LEKR1: variants seen among roughly 807,000 people sequenced by gnomAD.
The protein encoded by LEKR1 is protein LEKR1.
LEKR1 carries 59 observed loss-of-function variants against 72.4 expected under a neutral mutation model. That is an observed-to-expected ratio of 0.82 (90% CI 0.66 to 1.01). LEKR1 has a LOEUF of 1.01. Ranked by LOEUF, LEKR1 falls within the 50% of genes least tolerant of loss-of-function variation. LEKR1 has a pLI of 0.00. For synonymous variants in LEKR1, 257 were observed against 263.2 expected, an observed-to-expected ratio of 0.98 and a Z score of 0.23; for missense variants, 728 against 759.2, an observed-to-expected ratio of 0.96 and a Z score of 0.48.
At chr3:156,922,577 G>A (rs1462622186) in intron 4 of LEKR1, among the ~76,000 whole-genome samples, 1 of 151,962 alleles carries the variant, frequency 6.6e-6, no homozygotes, top group African/African-American at 2.4e-5. Flanking sequence ...ATTACAATTG[G>A]GCTTAATCAC....
chr3:156,908,550 C>T (rs1722762819), intron 3 of LEKR1, among the ~76,000 whole-genome samples: 1 of 152,060 alleles, frequency 6.6e-6, no homozygotes, highest in Admixed American at 6.6e-5. Context: ...ATTAGTAGCT[C>T]GCTTAGGTCA....
chr3:156,936,232 T>C (rs1725686266), intron 5 of LEKR1, among the ~76,000 whole-genome samples: 1 of 151,978 alleles, frequency 6.6e-6, no homozygotes, highest in African/African-American at 2.4e-5. Context: ...GACCACCAGG[T>C]CTGGAGAAGG....
At chr3:156,898,053 T>A (rs1450969896) in intron 3 of LEKR1, among the ~76,000 whole-genome samples, 1 of 152,074 alleles carries the variant, frequency 6.6e-6, no homozygotes, top group Non-Finnish European at 1.5e-5. Context: ...ACTATTCAGA[T>A]CTTTAAAAAG....
intron 7 of LEKR1, among the ~76,000 whole-genome samples, chr3:156,980,672 T>C (rs974588304): frequency 6.6e-6 from 1 of 152,086 alleles, no homozygotes; most frequent in African/African-American, 2.4e-5. Context: ...CCAGCTACTG[T>C]GTGATGATTG....
intron 3 of LEKR1, among the ~76,000 whole-genome samples, chr3:156,868,166 T>C (rs940441323): frequency 6.6e-6 from 1 of 152,084 alleles, no homozygotes; most frequent in Non-Finnish European, 1.5e-5. Flanking sequence ...CAGGCAACCT[T>C]ACTCACACTG....
chr3:156,953,475 C>A (rs1727351437), intron 6 of LEKR1, among the ~76,000 whole-genome samples: 1 of 151,568 alleles, frequency 6.6e-6, no homozygotes. Flanking sequence ...CCCAGCATCC[C>A]TTAGTTATTC....
At chr3:156,986,768 T>C (rs1730724171) in intron 7 of LEKR1, among the ~76,000 whole-genome samples, 1 of 152,174 alleles carries the variant, frequency 6.6e-6, no homozygotes, top group South Asian at 2.1e-4. Context: ...CTTTGAGGAG[T>C]GCACAAGATA....
intron 10 of LEKR1, among the ~76,000 whole-genome samples, chr3:157,024,122 G>T (rs755134349): frequency 1.3e-5 from 2 of 152,132 alleles, no homozygotes; most frequent in African/African-American, 2.4e-5. Flanking sequence ...CCCAGGAAAA[G>T]ATCAGAATTC....
intron 9 of LEKR1, among the ~76,000 whole-genome samples, chr3:157,008,381 T>TG (rs1489797565): frequency 6.6e-6 from 1 of 152,242 alleles, no homozygotes; most frequent in African/African-American, 2.4e-5. Flanking sequence ...GTCCTCTGGC[T>TG]GTATCAATAA....
At chr3:156,995,495 A>C (rs568914791) in intron 9 of LEKR1, among the ~76,000 whole-genome samples, 1 of 152,208 alleles carries the variant, frequency 6.6e-6, no homozygotes, top group East Asian at 1.9e-4. Context: ...TGTACTTAGT[A>C]ATTGGTGACA....
intron 3 of LEKR1, among the ~76,000 whole-genome samples, chr3:156,884,785 C>A (rs964488208): frequency 1.3e-5 from 2 of 152,056 alleles, no homozygotes; most frequent in Non-Finnish European, 2.9e-5. Flanking sequence ...GATGAATTTC[C>A]CAGGTGTTAT....
At chr3:156,898,839 C>A (rs965910861) in intron 3 of LEKR1, among the ~76,000 whole-genome samples, 35 of 151,848 alleles carry the variant, frequency 2.3e-4, no homozygotes, top group African/African-American at 7.7e-4. Flanking sequence ...AACAAACAAA[C>A]AAAAAAATGG....
At chr3:156,982,877 A>AGAT (rs1730343615) in intron 7 of LEKR1, among the ~76,000 whole-genome samples, 2 of 150,766 alleles carry the variant, frequency 1.3e-5, no homozygotes, top group African/African-American at 4.9e-5. Context: ...ATAGATAGAT[A>AGAT]GATAGATAGA....
chr3:156,910,004 A>G (rs868105800), intron 3 of LEKR1, among the ~76,000 whole-genome samples: 5 of 152,294 alleles, frequency 3.3e-5, no homozygotes, highest in Middle Eastern at 6.8e-3. Flanking sequence ...TGTGAATCCT[A>G]AAAACAATGT....
At chr3:157,014,315 GC>G (rs1423792099) in intron 10 of LEKR1, among the ~76,000 whole-genome samples, 2 of 151,940 alleles carry the variant, frequency 1.3e-5, no homozygotes, top group Non-Finnish European at 2.9e-5. Context: ...AGTACATAGA[GC>G]TTTTGAGAAA....
intron 3 of LEKR1, among the ~76,000 whole-genome samples, chr3:156,899,301 T>C: frequency 6.8e-6 from 1 of 146,262 alleles, no homozygotes; most frequent in South Asian, 2.1e-4. Context: ...TATATACATA[T>C]ATACATACAC....
chr3:157,011,371 A>C, intron 9 of LEKR1, 42 bp from the exon 10 acceptor site: 2 of 1,284,930 alleles, frequency 1.6e-6, no homozygotes, highest in Non-Finnish European at 2.3e-6. Context: ...GAATTGTGTT[A>C]GGGGTAAGTA....
intron 6 of LEKR1, among the ~76,000 whole-genome samples, chr3:156,968,505 A>C (rs1395804316): frequency 6.6e-6 from 1 of 152,210 alleles, no homozygotes; most frequent in African/African-American, 2.4e-5. Context: ...ACTTTAAACC[A>C]ACAAAGATCA....
At chr3:156,860,404 T>C (rs1026202127) in intron 3 of LEKR1, among the ~76,000 whole-genome samples, 1 of 152,104 alleles carries the variant, frequency 6.6e-6, no homozygotes, top group African/African-American at 2.4e-5. Context: ...TGTAGGCTTG[T>C]TTATGAGGGA....
Sources: gnomAD v4.1 joint callset for allele counts (sites outside exome capture counted in the v4.1 genomes callset) on GRCh38, gnomAD v4.1.1 for gene constraint, MANE v1.5 for transcripts, NCBI Gene and HGNC (gene_info 2026-07-23, HGNC 2026-07-21) for gene names.